The following MYL1 variants were observed in gnomAD, a reference collection of about 807,000 sequenced individuals.
MYL1 encodes myosin light chain 1, also known as myosin light chain 1/3, skeletal muscle isoform.
MYL1 carries 16 observed loss-of-function variants against 21.8 expected under a neutral mutation model. That is an observed-to-expected ratio of 0.74 (90% confidence interval 0.50 to 1.12). MYL1 has a LOEUF of 1.12. Among genes scored for constraint, MYL1 ranks in the 50% most tolerant of loss-of-function variants. The probability of loss-of-function intolerance (pLI) is 0.00; values close to 1 mark genes in which losing one functional copy is unlikely to be tolerated. For missense variants in MYL1, 246 were observed against 241.0 expected (o/e 1.02, Z -0.14); for synonymous variants, 99 against 85.2 (o/e 1.16, Z -0.89).
intron 1 of MYL1, chr2:210,302,817 AAG>A (rs1181670478): frequency 5.1e-6 from 8 of 1,554,096 alleles, no homozygotes; most frequent in Non-Finnish European, 7.0e-6. Context: ...AAGAGAAAGA[AAG>A]AAAAAAAACT....
At position 210,302,340 on chromosome 2, in the gene MYL1, T is replaced by C. The variant is rs565471085; in HGVS notation, c.160+148A>G. ...GGGTTTCAGATTGAGCTAATTTATA[T>C]TTAGAGTGATCGAGAGCAATTTATA... On this transcript the variant is annotated intron_variant, in intron 2 of 6. Transcript: ENST00000352451. The C allele has an allele frequency of 1.6e-4, 103 of 628,842 alleles. 1 individual carries two copies. In the East Asian group the frequency reaches 3.2e-3, roughly 20 times the overall value. The allele number at this position is 628,842 out of a possible 1,614,324, so 39.0% of individuals were successfully genotyped here.
At chr2:210,310,448 C>G (rs1165743193) in intron 1 of MYL1, among the ~76,000 whole-genome samples, 1 of 151,840 alleles carries the variant, frequency 6.6e-6, no homozygotes, top group Non-Finnish European at 1.5e-5. Context: ...AGAATATTAG[C>G]CTGATAGCAA....
intron 5 of MYL1, among the ~76,000 whole-genome samples, chr2:210,291,789 T>TA (rs11389014): frequency 0.52 from 78,947 of 151,510 alleles, 20,629 homozygotes; most frequent in Middle Eastern, 0.62. Flanking sequence ...ATTAAATTGT[T>TA]AAAAAAATTT....
At chr2:210,313,151 T>C (rs1690441740) in intron 1 of MYL1, among the ~76,000 whole-genome samples, 2 of 152,018 alleles carry the variant, frequency 1.3e-5, no homozygotes, top group African/African-American at 4.8e-5. Flanking sequence ...TACTCATTCT[T>C]ACACAGTTCC....
chr2:210,294,159 C>T, intron 4 of MYL1, 86 bp downstream of exon 4: 1 of 1,313,160 alleles, frequency 7.6e-7, no homozygotes, highest in Non-Finnish European at 1.0e-6. Context: ...AGTCTTTCCT[C>T]CTATTTTGGT....
intron 1 of MYL1, chr2:210,302,872 G>T: frequency 6.8e-7 from 1 of 1,479,708 alleles, no homozygotes; most frequent in Non-Finnish European, 9.2e-7. Context: ...AGTGCTGGTT[G>T]CTCTGAGATT....
At chr2:210,293,923 AT>A in intron 4 of MYL1, 123 bp from the exon 5 acceptor site, 1 of 828,416 alleles carries the variant, frequency 1.2e-6, no homozygotes, top group Non-Finnish European at 2.0e-6. Context: ...TGACTTTCCC[AT>A]TCTTTTGGTA....
At chr2:210,302,999 T>C (rs1690288191) in intron 1 of MYL1, 5 of 582,750 alleles carry the variant, frequency 8.6e-6, no homozygotes, top group Non-Finnish European at 1.5e-5. Context: ...TGCATCTTAA[T>C]GATTTAACTA....
chr2:210,296,669 A>C (rs1168925907), intron 3 of MYL1, among the ~76,000 whole-genome samples: 1 of 152,156 alleles, frequency 6.6e-6, no homozygotes, highest in Non-Finnish European at 1.5e-5. Context: ...GGTGGTGCAC[A>C]TCTGTAGTCT....
At chr2:210,300,851 A>G (rs938856005) in intron 2 of MYL1, among the ~76,000 whole-genome samples, 5 of 152,160 alleles carry the variant, frequency 3.3e-5, no homozygotes, top group African/African-American at 1.2e-4. Flanking sequence ...TAGAGCAGCC[A>G]TGAACAAAAT....
intron 1 of MYL1, among the ~76,000 whole-genome samples, chr2:210,310,946 C>A (rs572887818): frequency 2.6e-5 from 4 of 152,112 alleles, no homozygotes; most frequent in African/African-American, 9.6e-5. Flanking sequence ...CTAAGTTAAA[C>A]CCTAGGTCCA....
intron 1 of MYL1, among the ~76,000 whole-genome samples, chr2:210,306,782 A>G (rs1690346823): frequency 6.6e-6 from 1 of 151,040 alleles, no homozygotes; most frequent in South Asian, 2.1e-4. Context: ...AAATGGCGTG[A>G]TCTCGGCTCA....
At chr2:210,298,628 T>C in intron 2 of MYL1, 65 bp from the exon 3 acceptor site, 1 of 1,556,752 alleles carries the variant, frequency 6.4e-7, no homozygotes. Context: ...AAACCTAACC[T>C]TATCAAAAAT....
chr2:210,314,759 A>G (rs1690464716), intron 1 of MYL1, 152 bp downstream of exon 1: 3 of 895,554 alleles, frequency 3.3e-6, no homozygotes, highest in Non-Finnish European at 3.5e-6. Context: ...GCTGGCATTC[A>G]TTTTTTAAAG....
chr2:210,306,599 G>T lies in MYL1; in HGVS notation c.133-4084C>A, dbSNP rs188189587. Among the ~76,000 whole-genome samples, 822 of 152,180 alleles carry T rather than the reference G, an allele frequency of 5.4e-3. 10 individuals are homozygous for T. Among genetic ancestry groups the T allele is most frequent in the African/African-American group, 0.019 (777 of 41,526 alleles). On this transcript the variant is annotated intron_variant, in intron 1 of 6. Coordinates refer to ENST00000352451, the MANE Select transcript of MYL1 (RefSeq NM_079420.3). ...CAACATAAATATTTGAGCACTTTAT[G>T]TGACAACAGTAGGGAAGGCTACAGT...
At chr2:210,298,629 T>C (rs1214790407) in intron 2 of MYL1, 66 bp from the exon 3 acceptor site, 31 of 1,560,424 alleles carry the variant, frequency 2.0e-5, no homozygotes, top group Non-Finnish European at 2.5e-5. Context: ...AACCTAACCT[T>C]ATCAAAAATT....
chr2:210,305,778 G>A (rs927696313), intron 1 of MYL1, among the ~76,000 whole-genome samples: 3 of 152,038 alleles, frequency 2.0e-5, no homozygotes, highest in Admixed American at 1.3e-4. Context: ...GTTGTATTTA[G>A]GGCTGGGTGT....
At chr2:210,302,381 C>A (rs1690277085) in intron 2 of MYL1, 107 bp downstream of exon 2, 2 of 999,618 alleles carry the variant, frequency 2.0e-6, no homozygotes, top group Non-Finnish European at 2.9e-6. Flanking sequence ...AATGGCAACA[C>A]CAGTGGGGAT....
At chr2:210,304,507 C>T (rs149411023) in intron 1 of MYL1, among the ~76,000 whole-genome samples, 1 of 152,092 alleles carries the variant, frequency 6.6e-6, no homozygotes, top group African/African-American at 2.4e-5. Flanking sequence ...CAAAAGAATG[C>T]ATGGCAGAGC....
Sources: gnomAD v4.1 joint callset for allele counts (sites outside exome capture counted in the v4.1 genomes callset) on GRCh38, gnomAD v4.1.1 for gene constraint, MANE v1.5 for transcripts, NCBI Gene and HGNC (gene_info 2026-07-23, HGNC 2026-07-21) for gene names.